Variants in CCDC149 observed in about 807,000 individuals in gnomAD.
CCDC149 encodes coiled-coil domain-containing protein 149.
Under a neutral mutation model 59.9 loss-of-function variants are expected in CCDC149, and 45 were observed. The ratio of observed to expected loss-of-function variants is 0.75; its 90% confidence interval spans 0.59 to 0.96. The LOEUF is 0.96. CCDC149 is among the 40% of genes least tolerant of loss of function. CCDC149 has a pLI of 0.00. For synonymous variants in CCDC149, 245 were observed against 260.6 expected (o/e 0.94, Z 0.58); for missense variants, 584 against 664.7 (o/e 0.88, Z 1.33).
Position 24,822,485 on chromosome 4 carries a change from G to T in CCDC149, c.1042+12C>A. The T allele has an allele frequency of 1.4e-6, 2 of 1,466,190 alleles. No homozygotes were observed. Among genetic ancestry groups the T allele is most frequent in the Non-Finnish European group, 1.8e-6 (2 of 1,108,130 alleles). 90.8% of individuals were successfully genotyped at this position (1,466,190 alleles called of 1,614,324 possible). On this transcript the variant is annotated intron_variant, in intron 10 of 12. Coordinates refer to ENST00000635206, the MANE Select transcript of CCDC149 (RefSeq NM_001330643.2). The stretch of plus-strand genomic sequence containing the variant: ...AAAAAAAGGAAAATTGTTTTCATGA[G>T]GTTCTGTTTACCTGGAAGACTCCAC...
chr4:24,842,858 T>C (rs886690504), intron 4 of CCDC149, among the ~76,000 whole-genome samples: 11 of 152,170 alleles, frequency 7.2e-5, no homozygotes, highest in Non-Finnish European at 1.2e-4. Context: ...CCTATTTTCA[T>C]TTACCTGAAT....
intron 12 of CCDC149, among the ~76,000 whole-genome samples, chr4:24,818,254 AAAG>A (rs1715141958): frequency 6.6e-6 from 1 of 152,160 alleles, no homozygotes. Flanking sequence ...GGTGACAAAA[AAAG>A]AAGGAAGAAA....
At chr4:24,978,222 T>C (rs1224424976) in intron 1 of CCDC149, among the ~76,000 whole-genome samples, 1 of 152,232 alleles carries the variant, frequency 6.6e-6, no homozygotes, top group Non-Finnish European at 1.5e-5. Context: ...AAAATGTGGC[T>C]AGTCTGAGCT....
chr4:24,976,188 C>T (rs965758627), intron 1 of CCDC149, among the ~76,000 whole-genome samples: 4 of 152,154 alleles, frequency 2.6e-5, no homozygotes, highest in Non-Finnish European at 5.9e-5. Flanking sequence ...TTTAAGAGTA[C>T]GTGGAGCTCA....
intron 1 of CCDC149, among the ~76,000 whole-genome samples, chr4:24,902,386 T>C (rs1263580824): frequency 2.0e-5 from 3 of 152,218 alleles, no homozygotes; most frequent in East Asian, 1.9e-4. Flanking sequence ...TGCCTCCCCA[T>C]TACCAGCTAC....
chr4:24,844,535 G>T (rs1330573459), intron 4 of CCDC149, among the ~76,000 whole-genome samples: 2 of 152,140 alleles, frequency 1.3e-5, no homozygotes, highest in African/African-American at 4.8e-5. Context: ...CACTTTGGGA[G>T]GCTGAGACAG....
chr4:24,951,130 G>A (rs1400777102), intron 1 of CCDC149, among the ~76,000 whole-genome samples: 1 of 152,154 alleles, frequency 6.6e-6, no homozygotes, highest in East Asian at 1.9e-4. Flanking sequence ...GGGTTCCGTG[G>A]GTGCCCAGGC....
chr4:24,825,488 T>C (rs987960210), intron 9 of CCDC149, among the ~76,000 whole-genome samples: 16 of 151,878 alleles, frequency 1.1e-4, no homozygotes, highest in African/African-American at 3.9e-4. Flanking sequence ...GGCTTGAAAA[T>C]ACAGGCCGGG....
At chr4:24,902,800 A>T (rs192451839) in intron 1 of CCDC149, among the ~76,000 whole-genome samples, 15 of 152,222 alleles carry the variant, frequency 9.9e-5, no homozygotes, top group Admixed American at 9.8e-4. Flanking sequence ...AGACTGATGG[A>T]TAGCTTTGAG....
In CCDC149 at chr4:24,909,564, T is replaced by C. The variant is rs146931866; in HGVS notation, c.63+3253A>G. 7.3e-3 allele frequency among the ~76,000 whole-genome samples: 1,109 copies of C among 152,244 alleles called. 18 individuals are homozygous for C. Among genetic ancestry groups the C allele is most frequent in the African/African-American group, 0.025 (1,055 of 41,548 alleles). On this transcript the variant is annotated intron_variant, in intron 1 of 12. Coordinates refer to ENST00000635206, the MANE Select transcript of CCDC149 (RefSeq NM_001330643.2). The stretch of plus-strand genomic sequence containing the variant: ...CTTTTCAGCAGTAGGTGTATTAGTT[T>C]CTTGTGGCTGCTTGATATGGTTTGG...
chr4:24,919,577 C>G (rs930568127), intron 1 of CCDC149, among the ~76,000 whole-genome samples: 2 of 152,162 alleles, frequency 1.3e-5, no homozygotes, highest in African/African-American at 4.8e-5. Flanking sequence ...GGATTGAAGA[C>G]TACCAAGATG....
intron 1 of CCDC149, among the ~76,000 whole-genome samples, chr4:24,888,851 T>TA (rs1303138035): frequency 3.3e-5 from 5 of 152,232 alleles, no homozygotes; most frequent in Non-Finnish European, 5.9e-5. Flanking sequence ...CTGTAATTTT[T>TA]AGATAACATT....
At chr4:24,887,499 G>A (rs182720745) in intron 1 of CCDC149, among the ~76,000 whole-genome samples, 2 of 152,216 alleles carry the variant, frequency 1.3e-5, no homozygotes, top group Admixed American at 1.3e-4. Flanking sequence ...CATTCTTTCT[G>A]TAGAGGTACC....
intron 1 of CCDC149, among the ~76,000 whole-genome samples, chr4:24,955,087 T>C (rs1356547117): frequency 6.6e-6 from 1 of 152,214 alleles, no homozygotes; most frequent in Non-Finnish European, 1.5e-5. Context: ...ACTCCATTTG[T>C]GTTTCTATAA....
intron 4 of CCDC149, among the ~76,000 whole-genome samples, chr4:24,838,599 T>A (rs778089425): frequency 3.3e-5 from 5 of 152,098 alleles, no homozygotes; most frequent in Non-Finnish European, 5.9e-5. Context: ...CTGGAAGATC[T>A]GCTGAGATGG....
intron 1 of CCDC149, among the ~76,000 whole-genome samples, chr4:24,968,712 G>A (rs1723876621): frequency 6.6e-6 from 1 of 152,248 alleles, no homozygotes; most frequent in African/African-American, 2.4e-5. Flanking sequence ...AACCAGGTGT[G>A]GACAGAATAG....
At chr4:24,944,356 G>A (rs186070264) in intron 1 of CCDC149, among the ~76,000 whole-genome samples, 2,138 of 151,372 alleles carry the variant, frequency 0.014, 47 homozygotes, top group African/African-American at 0.049. Flanking sequence ...CAATGAGAAC[G>A]CATGGACACA....
intron 4 of CCDC149, among the ~76,000 whole-genome samples, chr4:24,850,619 C>T (rs1292693163): frequency 6.6e-6 from 1 of 151,968 alleles, no homozygotes; most frequent in African/African-American, 2.4e-5. Flanking sequence ...GAGTAGGGGT[C>T]AGATCATGGG....
At chr4:24,878,216 T>TA (rs66494953) in intron 1 of CCDC149, among the ~76,000 whole-genome samples, 6,428 of 124,912 alleles carry the variant, frequency 0.051, 526 homozygotes, top group African/African-American at 0.18. Context: ...TTTTTTTTCC[T>TA]AAAAAAAAAA....
Sources: allele counts gnomAD v4.1 joint callset (sites outside exome capture counted in the v4.1 genomes callset), GRCh38; gene constraint gnomAD v4.1.1; transcripts MANE v1.5; gene names NCBI Gene and HGNC (gene_info 2026-07-23, HGNC 2026-07-21).